The following SLC8A1 variants were observed in gnomAD, a reference collection of about 807,000 sequenced individuals.
The protein encoded by SLC8A1 is sodium/calcium exchanger 1.
A neutral mutation model predicts 68.3 loss-of-function variants in SLC8A1; 18 were observed. The ratio of observed to expected loss-of-function variants is 0.26; its 90% confidence interval spans 0.18 to 0.39. SLC8A1 has a LOEUF of 0.39. SLC8A1 is among the 10% of genes least tolerant of loss of function. The pLI, the probability that SLC8A1 is intolerant of heterozygous loss-of-function variation, is 1.00. For missense variants in SLC8A1, 985 were observed against 1,156.7 expected, an observed-to-expected ratio of 0.85 and a Z score of 2.15; for synonymous variants, 475 against 415.5, an observed-to-expected ratio of 1.14 and a Z score of -1.74.
At chr2:40,231,000 T>C (rs13006841) in intron 2 of SLC8A1, among the ~76,000 whole-genome samples, 23,008 of 152,142 alleles carry the variant, frequency 0.15, 1,895 homozygotes, top group Non-Finnish European at 0.17. Context: ...GAGTGGTAAG[T>C]TGGAAATGAA....
intron 2 of SLC8A1, among the ~76,000 whole-genome samples, chr2:40,315,337 G>A (rs760352584): frequency 6.6e-6 from 1 of 151,408 alleles, no homozygotes; most frequent in East Asian, 1.9e-4. Context: ...ATGCTGAATT[G>A]CAAAACGTAA....
intron 1 of SLC8A1, among the ~76,000 whole-genome samples, chr2:40,465,562 TTCTA>T (rs936788709): frequency 1.3e-5 from 2 of 152,150 alleles, no homozygotes; most frequent in Non-Finnish European, 2.9e-5. Flanking sequence ...TTTAATGTGG[TTCTA>T]TCTGAGTGTT....
chr2:40,417,730 T>G (rs1230427991), intron 2 of SLC8A1, among the ~76,000 whole-genome samples: 1 of 152,170 alleles, frequency 6.6e-6, no homozygotes, highest in Non-Finnish European at 1.5e-5. Flanking sequence ...GTCTTTATGT[T>G]ACCAGCAGAA....
intron 2 of SLC8A1, among the ~76,000 whole-genome samples, chr2:40,194,510 C>T (rs111927135): frequency 0.23 from 32,233 of 142,076 alleles, 3,671 homozygotes; most frequent in Middle Eastern, 0.26. Flanking sequence ...TGTGTGTGCG[C>T]GCGCAAAGAA....
In SLC8A1 at chr2:40,224,145, C is replaced by T. The variant is rs542186188; in HGVS notation, c.1809-46290G>A. Among the ~76,000 whole-genome samples the T allele has an allele frequency of 1.2e-4, 18 of 152,198 alleles. No individual in the cohort carries two copies. The South Asian group carries it at 1.5e-3, about 12-fold the overall frequency. On this transcript the variant is annotated intron_variant, in intron 2 of 7. Transcript: ENST00000406785. ...TGAAATGATAGCTAATTGTCTAGTGCGGTGGATTACTGTAGCCAATCACTT... is the reference window on the plus strand; with the variant it reads ...TGAAATGATAGCTAATTGTCTAGTGTGGTGGATTACTGTAGCCAATCACTT...
At chr2:40,459,482 C>T (rs966504491) in intron 1 of SLC8A1, among the ~76,000 whole-genome samples, 4 of 152,242 alleles carry the variant, frequency 2.6e-5, no homozygotes, top group African/African-American at 9.6e-5. Context: ...GAGGCATGGC[C>T]ATATGACTTG....
intron 2 of SLC8A1, among the ~76,000 whole-genome samples, chr2:40,284,643 T>TATATAA (rs149424286): frequency 4.4e-4 from 60 of 137,156 alleles, no homozygotes; most frequent in East Asian, 2.1e-3. Context: ...GGGAAAAACA[T>TATATAA]ATATAAATAT....
At chr2:40,306,824 G>A (rs181911308) in intron 2 of SLC8A1, among the ~76,000 whole-genome samples, 7 of 152,076 alleles carry the variant, frequency 4.6e-5, no homozygotes, top group Admixed American at 4.6e-4. Context: ...TCCTATCCAG[G>A]GAATGGGGAA....
intron 2 of SLC8A1, among the ~76,000 whole-genome samples, chr2:40,348,817 C>T (rs1485536159): frequency 1.7e-4 from 26 of 152,172 alleles, no homozygotes; most frequent in Admixed American, 1.7e-3. Context: ...GTGGGTCAGT[C>T]TCCCCACAGT....
chr2:40,471,950 G>A lies in SLC8A1; in HGVS notation c.-25+40399C>T, dbSNP rs1704014197. 3.9e-5 allele frequency among the ~76,000 whole-genome samples: 6 copies of A among 152,144 alleles called. No homozygotes were observed. In the South Asian group the frequency reaches 1.0e-3, roughly 26 times the overall value. ...TCATCTAATAGATGTAAAAGGCAGG[G>A]CATCAATCACATTAGGATAGAGAAC... On this transcript the variant is annotated intron_variant, in intron 1 of 7. Transcript: ENST00000402441.
intron 2 of SLC8A1, among the ~76,000 whole-genome samples, chr2:40,197,856 G>A (rs930495490): frequency 1.3e-5 from 2 of 152,152 alleles, no homozygotes; most frequent in East Asian, 3.9e-4. Context: ...GTATCTGTGA[G>A]GTTCAAGACA....
rs2056979262 is a variant in SLC8A1 at position 40,213,610 on chromosome 2, T to A, written c.1809-35755A>T. The A allele has an allele frequency of 3.3e-5, 5 of 152,222 alleles. No homozygotes were observed. In the South Asian group the frequency reaches 1.0e-3, roughly 31 times the overall value. The allele number at this position is 152,222 out of a possible 1,614,324, so 9.4% of individuals were successfully genotyped here. ...AAGTCCCTTCATTTCTTCACAATTA[T>A]GCTTAACACCAACCAGCCCAGCATC... On this transcript the variant is annotated intron_variant, in intron 2 of 7. Transcript: ENST00000406785.
chr2:40,130,514 G>C (rs1030150671), intron 7 of SLC8A1, among the ~76,000 whole-genome samples: 3 of 152,248 alleles, frequency 2.0e-5, no homozygotes, highest in African/African-American at 7.2e-5. Context: ...CTGCCCGTCT[G>C]GCAGTGTCCC....
chr2:40,418,847 A>C (rs1694662662), intron 2 of SLC8A1, among the ~76,000 whole-genome samples: 1 of 152,262 alleles, frequency 6.6e-6, no homozygotes, highest in South Asian at 2.1e-4. Context: ...GAGGAGAGAG[A>C]GCCCTGTAGT....
chr2:40,101,906 A>G (rs1265681067), exon 8 of SLC8A1: 1 of 152,084 alleles, frequency 6.6e-6, no homozygotes, highest in Non-Finnish European at 1.5e-5. Flanking sequence ...TGCATGTCTA[A>G]CAAATTTCCA....
chr2:40,199,836 G>C (rs764172054), intron 2 of SLC8A1, among the ~76,000 whole-genome samples: 7 of 149,692 alleles, frequency 4.7e-5, no homozygotes, highest in Non-Finnish European at 9.0e-5. Context: ...GGGGAACCAG[G>C]AAAGAAAGAA....
chr2:40,120,159 C>T (rs1398570592), intron 7 of SLC8A1, among the ~76,000 whole-genome samples: 5 of 152,208 alleles, frequency 3.3e-5, no homozygotes, highest in Non-Finnish European at 7.3e-5. Flanking sequence ...AATGTATTAT[C>T]TGGAGCAAGG....
At chr2:40,119,477 G>C (rs906120391) in intron 7 of SLC8A1, among the ~76,000 whole-genome samples, 2 of 152,084 alleles carry the variant, frequency 1.3e-5, no homozygotes, top group African/African-American at 2.4e-5. Context: ...CAGCACATAG[G>C]GCAATACATC....
At chr2:40,477,094 G>T (rs1704338482) in intron 1 of SLC8A1, among the ~76,000 whole-genome samples, 1 of 152,120 alleles carries the variant, frequency 6.6e-6, no homozygotes, top group South Asian at 2.1e-4. Context: ...ACAATGTCAT[G>T]CATTATTTGT....
Sources: gnomAD v4.1 joint callset for allele counts (sites outside exome capture counted in the v4.1 genomes callset) on GRCh38, gnomAD v4.1.1 for gene constraint, MANE v1.5 for transcripts, NCBI Gene and HGNC (gene_info 2026-07-23, HGNC 2026-07-21) for gene names.